Variants in NRXN1 observed in about 807,000 individuals in gnomAD.
NRXN1 encodes the protein neurexin 1, also known as neurexin-1.
A neutral mutation model predicts 150.9 loss-of-function variants in NRXN1; 39 were observed. That is an observed-to-expected ratio of 0.26 (90% confidence interval 0.20 to 0.34). NRXN1 has a LOEUF of 0.34. NRXN1 is among the 10% of genes least tolerant of loss of function. The probability of loss-of-function intolerance (pLI) is 1.00; values close to 1 mark genes in which losing one functional copy is unlikely to be tolerated. For synonymous variants in NRXN1, 924 were observed against 757.0 expected, an observed-to-expected ratio of 1.22 and a Z score of -3.62; for missense variants, 1,815 against 1,949.9, an observed-to-expected ratio of 0.93 and a Z score of 1.30.
chr2:50,056,547 G>A (rs1693655619), intron 19 of NRXN1, among the ~76,000 whole-genome samples: 1 of 152,024 alleles, frequency 6.6e-6, no homozygotes, highest in Non-Finnish European at 1.5e-5. Context: ...TATAATGTGG[G>A]AATATAGTTT....
At chr2:50,800,522 T>C (rs779819407) in intron 5 of NRXN1, among the ~76,000 whole-genome samples, 6 of 152,176 alleles carry the variant, frequency 3.9e-5, no homozygotes, top group Non-Finnish European at 8.8e-5. Flanking sequence ...TAGTCACCTA[T>C]GGAATAGCTA....
chr2:49,974,409 G>C (rs6761463), intron 21 of NRXN1, among the ~76,000 whole-genome samples: 123,516 of 152,032 alleles, frequency 0.81, 50,421 homozygotes, highest in Middle Eastern at 0.87. Context: ...ACCCCCGACC[G>C]AAAAAAAGGC....
chr2:50,745,303 C>CA (rs1027768762), intron 5 of NRXN1, among the ~76,000 whole-genome samples: 2 of 145,102 alleles, frequency 1.4e-5, no homozygotes, highest in Admixed American at 7.0e-5. Flanking sequence ...ATATCTGCCC[C>CA]CCCCCAGGAC....
intron 17 of NRXN1, among the ~76,000 whole-genome samples, chr2:50,282,560 G>A (rs890510667): frequency 6.6e-6 from 1 of 152,132 alleles, no homozygotes; most frequent in African/African-American, 2.4e-5. Flanking sequence ...ATTTGGGTAT[G>A]ATGATGAAGA....
intron 17 of NRXN1, among the ~76,000 whole-genome samples, chr2:50,272,391 A>C (rs540507398): frequency 1.3e-5 from 2 of 152,296 alleles, no homozygotes; most frequent in African/African-American, 4.8e-5. Context: ...GTTTACCACT[A>C]CTATATTAGC....
At chr2:50,355,168 T>C (rs1486779149) in intron 17 of NRXN1, among the ~76,000 whole-genome samples, 1 of 151,508 alleles carries the variant, frequency 6.6e-6, no homozygotes, top group Non-Finnish European at 1.5e-5. Flanking sequence ...AACTTAATCA[T>C]GCGATTCAAA....
chr2:50,990,091 G>A (rs1698320452), intron 2 of NRXN1, among the ~76,000 whole-genome samples: 1 of 151,810 alleles, frequency 6.6e-6, no homozygotes, highest in Non-Finnish European at 1.5e-5. Flanking sequence ...AGCATCTTTT[G>A]CCTTCCATAT....
At position 50,552,845 on chromosome 2, in the gene NRXN1, T is replaced by C; in HGVS notation, c.1501A>G (p.Thr501Ala). 6.2e-7 allele frequency: 1 copy of C among 1,613,958 alleles called. No individual in the cohort carries two copies. Among genetic ancestry groups the C allele is most frequent in the Non-Finnish European group, 8.5e-7 (1 of 1,179,850 alleles). Residue 501 changes from threonine to alanine, a missense_variant, in exon 9 of 23, where the codon ACT becomes GCT. Coordinates refer to ENST00000401669, the MANE Select transcript of NRXN1 (RefSeq NM_001330078.2). ...ISLPKWNAKK[T>A]GSISFDFRTT... is the part of the protein sequence containing the mutation. ...CGGAAATCAAATGATATGGAGCCAG[T>C]TTTCTTTGCATTCCATTTAGGCAAA...
intron 13 of NRXN1, among the ~76,000 whole-genome samples, chr2:50,503,133 C>T (rs1042080617): frequency 2.6e-5 from 4 of 151,864 alleles, no homozygotes; most frequent in Non-Finnish European, 4.4e-5. Context: ...CATGGTGAAA[C>T]CTCATCTCTA....
At chr2:50,855,155 T>A (rs978691451) in intron 5 of NRXN1, among the ~76,000 whole-genome samples, 8 of 151,910 alleles carry the variant, frequency 5.3e-5, no homozygotes, top group Admixed American at 2.0e-4. Flanking sequence ...GTTCAAGATA[T>A]AAGGGAAGAG....
chr2:50,538,685 G>A lies in NRXN1; in HGVS notation c.1760-49C>T, dbSNP rs199913337. On this transcript the variant is annotated intron_variant, in intron 9 of 22. Transcript: ENST00000401669. Reference sequence around the variant, plus strand: ...ACAGGTCTTTAAAAAGCACCAACGTGTTATAATTATCTTTCTCTCTTTCGT... The same window carrying A: ...ACAGGTCTTTAAAAAGCACCAACGTATTATAATTATCTTTCTCTCTTTCGT... 27 of 1,376,092 alleles carry A rather than the reference G, an allele frequency of 2.0e-5. No individual in the cohort carries two copies. The Admixed American group carries it at 4.0e-4, about 20-fold the overall frequency. 85.2% of individuals were successfully genotyped at this position (1,376,092 alleles called of 1,614,324 possible). A position where few individuals can be genotyped will look rare whatever the true frequency, so the allele number is the denominator to read the frequency against.
chr2:49,923,588 C>T (rs1452422444), intron 22 of NRXN1, among the ~76,000 whole-genome samples: 1 of 152,136 alleles, frequency 6.6e-6, no homozygotes. Context: ...TACTAAACAT[C>T]ATTTAGTAAT....
intron 18 of NRXN1, among the ~76,000 whole-genome samples, chr2:50,184,332 G>A (rs148214409): frequency 0.012 from 1,764 of 151,860 alleles, 20 homozygotes; most frequent in Non-Finnish European, 0.019. Flanking sequence ...TAAGGACCAG[G>A]GATCCACATT....
At chr2:50,181,626 G>A (rs953774696) in intron 18 of NRXN1, among the ~76,000 whole-genome samples, 1 of 152,002 alleles carries the variant, frequency 6.6e-6, no homozygotes, top group East Asian at 1.9e-4. Flanking sequence ...CTGAGGACTA[G>A]GACTTTTTTT....
chr2:50,605,691 T>TGAACATGCAA, intron 8 of NRXN1, among the ~76,000 whole-genome samples: 1 of 152,228 alleles, frequency 6.6e-6, no homozygotes, highest in Middle Eastern at 3.4e-3. Context: ...ACACTGTTAG[T>TGAACATGCAA]GAACATGCAA....
intron 8 of NRXN1, chr2:50,615,584 A>G (rs2104167320): frequency 6.6e-6 from 1 of 152,288 alleles, no homozygotes; most frequent in East Asian, 1.9e-4. Flanking sequence ...GTGACTACAG[A>G]AACACTTATA....
At chr2:50,144,957 T>A (rs1484940734) in intron 18 of NRXN1, among the ~76,000 whole-genome samples, 1 of 151,842 alleles carries the variant, frequency 6.6e-6, no homozygotes, top group Non-Finnish European at 1.5e-5. Context: ...AATAATTCAT[T>A]AAAATTCATA....
At chr2:51,004,320 A>G (rs1700435588) in intron 2 of NRXN1, among the ~76,000 whole-genome samples, 2 of 151,940 alleles carry the variant, frequency 1.3e-5, no homozygotes, top group African/African-American at 4.8e-5. Flanking sequence ...CCAATACATA[A>G]AGTATTTGCT....
chr2:50,962,078 AT>A (rs1458308651), intron 2 of NRXN1, among the ~76,000 whole-genome samples: 3 of 145,472 alleles, frequency 2.1e-5, no homozygotes, highest in African/African-American at 7.4e-5. Flanking sequence ...GCACCAATGA[AT>A]GATTCTGAGA....
Sources: gnomAD v4.1 joint callset for allele counts (sites outside exome capture counted in the v4.1 genomes callset) on GRCh38, gnomAD v4.1.1 for gene constraint, MANE v1.5 for transcripts, NCBI Gene and HGNC (gene_info 2026-07-23, HGNC 2026-07-21) for gene names.